The following PDE5A variants were observed in gnomAD, a reference collection of about 807,000 sequenced individuals.
PDE5A encodes cGMP-specific 3',5'-cyclic phosphodiesterase.
Under a neutral mutation model 110.2 loss-of-function variants are expected in PDE5A, and 67 were observed. That is an observed-to-expected ratio of 0.61 (90% CI 0.50 to 0.75). The LOEUF is 0.75. PDE5A is among the 30% of genes least tolerant of loss of function. The probability of loss-of-function intolerance (pLI) is 0.00; values close to 1 mark genes in which losing one functional copy is unlikely to be tolerated. For synonymous variants in PDE5A, 328 were observed against 351.2 expected, an observed-to-expected ratio of 0.93 and a Z score of 0.74; for missense variants, 862 against 1,045.1, an observed-to-expected ratio of 0.82 and a Z score of 2.42.
In PDE5A at chr4:119,542,540, G is replaced by C. The variant is rs1274441304; in HGVS notation, c.1491C>G (p.Ile497Met). 6.2e-7 allele frequency: 1 copy of C among 1,613,886 alleles called. No homozygotes were observed. The highest frequency in any genetic ancestry group is 1.3e-5 in the African/African-American group (1 of 74,898). ...TGTTCTGGATCCCCAAGCCACAAAA[G>C]ATGACAAAAGCTTCCAGAAACTGTT... ...NDEQFLEAFV[I>M]FCGLGIQNTQ... The change falls in exon 10 of 21, where the codon ATC becomes ATG. Residue 497 changes from isoleucine (I) to methionine (M), a missense_variant. Physicochemically the swap from Ile to Met is conservative, Grantham distance 10. Transcript: ENST00000354960.
intron 9 of PDE5A, among the ~76,000 whole-genome samples, chr4:119,551,583 G>A (rs571723642): frequency 6.6e-6 from 1 of 152,266 alleles, no homozygotes; most frequent in South Asian, 2.1e-4. Flanking sequence ...CAGAATACTC[G>A]ATGCACACTG....
chr4:119,619,882 G>A (rs1259360151), intron 1 of PDE5A, among the ~76,000 whole-genome samples: 1 of 152,170 alleles, frequency 6.6e-6, no homozygotes, highest in Non-Finnish European at 1.5e-5. Context: ...GAAGCCTAAG[G>A]CTGTCCTATC....
rs58176696 is a variant in PDE5A, at chr4:119,545,164, G to A, written c.1397-2530C>T. Among the ~76,000 whole-genome samples the A allele has an allele frequency of 5.8e-3, 882 of 151,998 alleles. 14 individuals are homozygous for A. The highest frequency in any genetic ancestry group is 0.019 in the African/African-American group (807 of 41,460). Reference sequence around the variant, plus strand: ...TCCCATTGATCTCTTTACACTCTTCGGAAAGTTTAATTCTATCAAGCAAAA... The same window carrying A: ...TCCCATTGATCTCTTTACACTCTTCAGAAAGTTTAATTCTATCAAGCAAAA... On this transcript the variant is annotated intron_variant, in intron 9 of 20. Transcript: ENST00000354960.
intron 11 of PDE5A, among the ~76,000 whole-genome samples, chr4:119,536,891 T>C (rs1414991138): frequency 1.3e-5 from 2 of 152,142 alleles, no homozygotes; most frequent in Admixed American, 1.3e-4. Flanking sequence ...ACAAATTCCC[T>C]CTTACAAAAT....
At chr4:119,555,913 C>A (rs1727519343) in intron 7 of PDE5A, among the ~76,000 whole-genome samples, 1 of 152,124 alleles carries the variant, frequency 6.6e-6, no homozygotes, top group East Asian at 1.9e-4. Flanking sequence ...GTTTCTTACT[C>A]TATAAGAAAT....
intron 3 of PDE5A, among the ~76,000 whole-genome samples, chr4:119,570,380 T>G (rs1380938781): frequency 6.6e-6 from 1 of 152,134 alleles, no homozygotes; most frequent in African/African-American, 2.4e-5. Context: ...AGCTTCCATA[T>G]CAGAATGTCC....
At chr4:119,569,460 A>G (rs1252460652) in intron 3 of PDE5A, among the ~76,000 whole-genome samples, 1 of 152,188 alleles carries the variant, frequency 6.6e-6, no homozygotes, top group East Asian at 1.9e-4. Context: ...CATGTAACAA[A>G]GTTTCACATA....
At chr4:119,612,770 C>A (rs1022079597) in intron 1 of PDE5A, among the ~76,000 whole-genome samples, 7 of 152,194 alleles carry the variant, frequency 4.6e-5, no homozygotes, top group Non-Finnish European at 7.3e-5. Flanking sequence ...TTCCCAGCAT[C>A]TGAAACTGTG....
At chr4:119,585,136 G>C (rs1728714978) in intron 3 of PDE5A, among the ~76,000 whole-genome samples, 1 of 152,110 alleles carries the variant, frequency 6.6e-6, no homozygotes, top group East Asian at 1.9e-4. Context: ...TTAGCCAGGT[G>C]TGGTGGTGGG....
intron 1 of PDE5A, among the ~76,000 whole-genome samples, chr4:119,607,902 TA>T (rs1189901115): frequency 6.6e-6 from 1 of 152,172 alleles, no homozygotes; most frequent in South Asian, 2.1e-4. Context: ...TATTAAAAAG[TA>T]AAAGACACTA....
chr4:119,558,911 C>A, intron 7 of PDE5A, among the ~76,000 whole-genome samples: 1 of 60,544 alleles, frequency 1.7e-5, no homozygotes. Flanking sequence ...AGCGAGACTC[C>A]GTCTCAAAAA....
intron 19 of PDE5A, among the ~76,000 whole-genome samples, chr4:119,502,034 A>G (rs541489983): frequency 6.6e-6 from 1 of 152,244 alleles, no homozygotes; most frequent in East Asian, 1.9e-4. Context: ...GAATGCTGAG[A>G]AAACTGGGGA....
At chr4:119,563,942 G>T (rs958514410) in intron 5 of PDE5A, among the ~76,000 whole-genome samples, 1 of 151,388 alleles carries the variant, frequency 6.6e-6, no homozygotes, top group Non-Finnish European at 1.5e-5. Context: ...AATTATCAAA[G>T]AAATAATGAA....
At chr4:119,573,391 G>T (rs920334738) in intron 3 of PDE5A, among the ~76,000 whole-genome samples, 1 of 152,144 alleles carries the variant, frequency 6.6e-6, no homozygotes, top group African/African-American at 2.4e-5. Flanking sequence ...GCATAAAATT[G>T]CATCTCATTG....
intron 14 of PDE5A, among the ~76,000 whole-genome samples, chr4:119,515,566 T>G (rs1290672495): frequency 6.6e-6 from 1 of 152,126 alleles, no homozygotes; most frequent in Admixed American, 6.6e-5. Flanking sequence ...CTCCCATAAC[T>G]TCCATTCTTG....
At chr4:119,608,493 T>C (rs777863758) in intron 1 of PDE5A, among the ~76,000 whole-genome samples, 1 of 152,142 alleles carries the variant, frequency 6.6e-6, no homozygotes, top group Non-Finnish European at 1.5e-5. Flanking sequence ...TCTGAAACAA[T>C]TTATAATCCA....
At chr4:119,565,881 A>G (rs1727911789) in intron 4 of PDE5A, among the ~76,000 whole-genome samples, 1 of 151,086 alleles carries the variant, frequency 6.6e-6, no homozygotes, top group South Asian at 2.1e-4. Flanking sequence ...ACATGGATCT[A>G]TCATCCTCAT....
At chr4:119,567,296 C>A (rs1049053796) in intron 3 of PDE5A, 152 bp from the exon 4 acceptor site, 1 of 588,256 alleles carries the variant, frequency 1.7e-6, no homozygotes, top group Non-Finnish European at 3.0e-6. Flanking sequence ...AGCATTTGAG[C>A]AAGCTTTACA....
At chr4:119,561,093 C>T (rs998989618) in intron 6 of PDE5A, among the ~76,000 whole-genome samples, 2 of 152,144 alleles carry the variant, frequency 1.3e-5, no homozygotes, top group African/African-American at 4.8e-5. Flanking sequence ...CGTGCCACTG[C>T]ACTCCAGCCT....
Sources: allele counts gnomAD v4.1 joint callset (sites outside exome capture counted in the v4.1 genomes callset), GRCh38; gene constraint gnomAD v4.1.1; transcripts MANE v1.5; gene names NCBI Gene and HGNC (gene_info 2026-07-23, HGNC 2026-07-21).